The following PSTPIP2 variants were observed in gnomAD, a reference collection of about 807,000 sequenced individuals.
The protein encoded by PSTPIP2 is proline-serine-threonine phosphatase-interacting protein 2.
PSTPIP2 carries 33 observed loss-of-function variants against 63.3 expected under a neutral mutation model. The observed-to-expected ratio is 0.52, with a 90% confidence interval of 0.40 to 0.70. The LOEUF (loss-of-function observed/expected upper bound fraction) is 0.70. Ranked by LOEUF, PSTPIP2 falls within the 30% of genes least tolerant of loss-of-function variation. The probability of loss-of-function intolerance (pLI) is 0.00; values close to 1 mark genes in which losing one functional copy is unlikely to be tolerated. For missense variants in PSTPIP2, 312 were observed against 400.7 expected (o/e 0.78, Z 1.89); for synonymous variants, 125 against 132.7 (o/e 0.94, Z 0.40).
At chr18:46,035,432 AG>A (rs67535247) in intron 2 of PSTPIP2, among the ~76,000 whole-genome samples, 120,639 of 143,352 alleles carry the variant, frequency 0.84, 51,403 homozygotes, top group East Asian at 0.94. Context: ...AAAAAAAAAA[AG>A]AAAAGAGAGA....
chr18:46,062,866 A>C (rs1466619992), intron 1 of PSTPIP2, among the ~76,000 whole-genome samples: 1 of 152,146 alleles, frequency 6.6e-6, no homozygotes, highest in Non-Finnish European at 1.5e-5. Flanking sequence ...GTTTCCCATT[A>C]GTGTCCTACA....
At chr18:46,008,587 G>A (rs1333503382) in intron 5 of PSTPIP2, among the ~76,000 whole-genome samples, 5 of 152,056 alleles carry the variant, frequency 3.3e-5, no homozygotes, top group African/African-American at 9.7e-5. Flanking sequence ...GATTAGAGTC[G>A]TGAGCCACCT....
intron 1 of PSTPIP2, chr18:46,040,931 T>C (rs1053378578): frequency 2.2e-6 from 1 of 448,812 alleles, no homozygotes; most frequent in Non-Finnish European, 4.5e-6. Context: ...CACTCCAGCC[T>C]TCTGTCATGT....
Position 45,992,169 on chromosome 18 carries a change from A to T in PSTPIP2, c.775T>A (p.Cys259Ser). Residue 259 changes from cysteine to serine, a missense_variant, in exon 11 of 15, where the codon TGC becomes AGC. Physicochemically the swap from Cys to Ser is moderately radical, Grantham distance 112. Coordinates refer to ENST00000409746, the MANE Select transcript of PSTPIP2 (RefSeq NM_024430.4). ...TATTCAATGTCCCTCTGAATGCTGCACATTTCTAAACTCTTTCGGACTTGT... is the reference window on the plus strand; with the variant it reads ...TATTCAATGTCCCTCTGAATGCTGCTCATTTCTAAACTCTTTCGGACTTGT... ...YEQVRKSLEM[C>S]SIQRDIEYFV... 1 of 1,604,350 alleles carries T rather than the reference A, an allele frequency of 6.2e-7. No homozygotes were observed. Among genetic ancestry groups the T allele is most frequent in the Admixed American group, 1.7e-5 (1 of 58,390 alleles).
intron 2 of PSTPIP2, among the ~76,000 whole-genome samples, chr18:46,033,075 T>C (rs1907839972): frequency 6.6e-6 from 1 of 152,210 alleles, no homozygotes; most frequent in South Asian, 2.1e-4. Flanking sequence ...TCTCATACAA[T>C]CCAAATTTTA....
At chr18:46,007,791 T>C (rs2051745039) in intron 5 of PSTPIP2, among the ~76,000 whole-genome samples, 3 of 152,312 alleles carry the variant, frequency 2.0e-5, no homozygotes. Flanking sequence ...CTATCATTCC[T>C]GTCTCTGCCT....
At chr18:46,009,990 A>G (rs1416541690) in intron 5 of PSTPIP2, among the ~76,000 whole-genome samples, 1 of 152,198 alleles carries the variant, frequency 6.6e-6, no homozygotes, top group Non-Finnish European at 1.5e-5. Context: ...GGGTGTTCCC[A>G]TGTTCATTTC....
Position 45,990,743 on chromosome 18 carries a change from G to A in PSTPIP2, c.934C>T (p.Pro312Ser). 1 of 1,605,906 alleles carries A rather than the reference G, an allele frequency of 6.2e-7. No individual in the cohort carries two copies. Among genetic ancestry groups the A allele is most frequent in the Non-Finnish European group, 8.5e-7 (1 of 1,173,340 alleles). The change falls in exon 13 of 15, where the codon CCA (proline) becomes TCA (serine). Residue 312 changes from proline to serine, a missense_variant. Physicochemically the swap from Pro to Ser is moderately conservative, Grantham distance 74 (BLOSUM62 -1). Coordinates refer to ENST00000409746, the MANE Select transcript of PSTPIP2 (RefSeq NM_024430.4). Reference sequence around the variant, plus strand: ...ATACCTGGTGAGCTTTTAGGAATTGGGAGGGGTCCTCTCCTGTAAGAAATG... The same window carrying A: ...ATACCTGGTGAGCTTTTAGGAATTGAGAGGGGTCCTCTCCTGTAAGAAATG... ...GPNLARRGPL[P>S]IPKSSPDDPN... is the part of the protein sequence containing the mutation.
At chr18:46,042,442 T>C (rs1006684410) in intron 1 of PSTPIP2, among the ~76,000 whole-genome samples, 4 of 152,192 alleles carry the variant, frequency 2.6e-5, no homozygotes, top group Non-Finnish European at 5.9e-5. Flanking sequence ...CTCTAGGTTC[T>C]CAGAGTCCCC....
Position 45,991,931 on chromosome 18 carries a change from T to C in PSTPIP2, c.891A>G (p.Ala297=). Residue 297 remains alanine, a synonymous_variant, in exon 12 of 15, where the codon GCA becomes GCG. Transcript: ENST00000409746. ...FYSSQKNAVP[A]GKATGPNLAR... The stretch of plus-strand genomic sequence containing the variant: ...CCAAGTTAGGCCCTGTAGCCTTTCC[T>C]GCTGGGACTGCATTCTTCTGGGAGG... 1 of 1,613,694 alleles carries C rather than the reference T, an allele frequency of 6.2e-7. No individual in the cohort carries two copies. The highest frequency in any genetic ancestry group is 8.5e-7 in the Non-Finnish European group (1 of 1,179,562).
At chr18:45,992,603 G>C (rs999842511) in intron 10 of PSTPIP2, among the ~76,000 whole-genome samples, 1 of 151,632 alleles carries the variant, frequency 6.6e-6, no homozygotes, top group African/African-American at 2.4e-5. Flanking sequence ...GGGTTTGATA[G>C]AGAGCTGACT....
At chr18:46,069,149 T>TC (rs1307455618) in intron 1 of PSTPIP2, among the ~76,000 whole-genome samples, 2 of 152,076 alleles carry the variant, frequency 1.3e-5, no homozygotes, top group African/African-American at 2.4e-5. Context: ...AGCCTGGAAA[T>TC]CCCCAGGGGT....
At chr18:46,017,212 TAA>T (rs1299644588) in intron 3 of PSTPIP2, among the ~76,000 whole-genome samples, 9 of 152,188 alleles carry the variant, frequency 5.9e-5, no homozygotes, top group African/African-American at 1.9e-4. Context: ...CTCAGTATTT[TAA>T]AGACATAATT....
chr18:46,031,243 T>A (rs1283637448), intron 2 of PSTPIP2, among the ~76,000 whole-genome samples: 1 of 150,192 alleles, frequency 6.7e-6, no homozygotes, highest in Non-Finnish European at 1.5e-5. Flanking sequence ...CTTCATTCCT[T>A]CCTTCTCTCC....
At chr18:46,016,031 T>C (rs539536705) in intron 3 of PSTPIP2, 94 bp from the exon 4 acceptor site, 135 of 1,435,200 alleles carry the variant, frequency 9.4e-5, no homozygotes, top group Non-Finnish European at 1.1e-4. Context: ...TGCCCATATC[T>C]TAACTTAGAA....
chr18:46,050,014 G>A (rs1427525569), intron 1 of PSTPIP2, among the ~76,000 whole-genome samples: 1 of 152,012 alleles, frequency 6.6e-6, no homozygotes, highest in African/African-American at 2.4e-5. Flanking sequence ...TCAAATAAAG[G>A]CAAACAAACG....
At chr18:46,020,570 T>C (rs1907310632) in intron 3 of PSTPIP2, among the ~76,000 whole-genome samples, 1 of 152,080 alleles carries the variant, frequency 6.6e-6, no homozygotes, top group Admixed American at 6.5e-5. Context: ...GAGAACTGCT[T>C]GAACCCCGGA....
chr18:45,996,240 A>G (rs946054082), intron 9 of PSTPIP2, among the ~76,000 whole-genome samples: 1 of 152,212 alleles, frequency 6.6e-6, no homozygotes, highest in African/African-American at 2.4e-5. Context: ...GATCTTGAAC[A>G]AGGAAGGAAC....
chr18:46,037,547 CCA>C (rs1480906563), intron 2 of PSTPIP2, among the ~76,000 whole-genome samples: 5 of 152,126 alleles, frequency 3.3e-5, no homozygotes, highest in African/African-American at 1.2e-4. Flanking sequence ...CAACTTAGTC[CCA>C]GTTCCCACAA....
Sources: gnomAD v4.1 joint callset for allele counts (sites outside exome capture counted in the v4.1 genomes callset) on GRCh38, gnomAD v4.1.1 for gene constraint, MANE v1.5 for transcripts, NCBI Gene and HGNC (gene_info 2026-07-23, HGNC 2026-07-21) for gene names.